The following PTPN4 variants were observed in gnomAD, a reference collection of about 807,000 sequenced individuals.
PTPN4 encodes the protein tyrosine-protein phosphatase non-receptor type 4.
Under a neutral mutation model 135.5 loss-of-function variants are expected in PTPN4, and 49 were observed. The ratio of observed to expected loss-of-function variants is 0.36; its 90% CI spans 0.29 to 0.46. The LOEUF (loss-of-function observed/expected upper bound fraction) is 0.46. Among genes scored for constraint, PTPN4 ranks in the 20% least tolerant of loss-of-function variants. The pLI, the probability that PTPN4 is intolerant of heterozygous loss-of-function variation, is 1.00. For synonymous variants in PTPN4, 333 were observed against 369.9 expected (o/e 0.90, Z 1.14); for missense variants, 860 against 1,101.0 (o/e 0.78, Z 3.10).
intron 9 of PTPN4, among the ~76,000 whole-genome samples, chr2:119,888,919 G>T (rs780741730): frequency 6.6e-6 from 1 of 152,092 alleles, no homozygotes; most frequent in Non-Finnish European, 1.5e-5. Flanking sequence ...TTACTTCTTT[G>T]TGTGTTTGGT....
At chr2:119,965,724 T>C (rs1679436512) in intron 25 of PTPN4, 79 bp downstream of exon 25, 3 of 1,475,034 alleles carry the variant, frequency 2.0e-6, no homozygotes, top group Non-Finnish European at 1.8e-6. Context: ...ATTTTGTCCT[T>C]ATGGTGTTAT....
At chr2:119,844,469 G>C (rs1233825336) in intron 2 of PTPN4, among the ~76,000 whole-genome samples, 137 of 144,650 alleles carry the variant, frequency 9.5e-4, no homozygotes, top group African/African-American at 3.1e-3. Flanking sequence ...GGCAGCTGCC[G>C]GGCGGAGGGG....
Position 119,977,292 on chromosome 2 carries a change from C to A in PTPN4, c.*222C>A. ...AGACTGTTTCATGCTTTGCTCCGAA[C>A]AAATAGTAAATAACTGAGTATGTTC... is the stretch of plus-strand genomic sequence containing the variant. On this transcript the variant is annotated 3_prime_UTR_variant, in exon 27 of 27. Coordinates refer to ENST00000263708, the MANE Select transcript of PTPN4 (RefSeq NM_002830.4). 3.0e-6 allele frequency: 2 copies of A among 669,016 alleles called. No homozygotes were observed. Among genetic ancestry groups the A allele is most frequent in the Non-Finnish European group, 4.1e-6 (2 of 485,342 alleles). 41.4% of individuals were successfully genotyped at this position (669,016 alleles called of 1,614,324 possible). A position where few individuals can be genotyped will look rare whatever the true frequency, so the allele number is the denominator to read the frequency against.
chr2:119,797,973 T>G (rs892264362), intron 1 of PTPN4, among the ~76,000 whole-genome samples: 3 of 152,146 alleles, frequency 2.0e-5, no homozygotes, highest in South Asian at 2.1e-4. Flanking sequence ...TTTTTACATA[T>G]TTTTTGAACA....
chr2:119,766,459 T>TC (rs1558718916), intron 1 of PTPN4, among the ~76,000 whole-genome samples: 3,015 of 140,700 alleles, frequency 0.021, 116 homozygotes, highest in African/African-American at 0.075. Flanking sequence ...CGTGTGTGTG[T>TC]GTGTGTGTGT....
At chr2:119,931,781 A>G (rs1173817471) in intron 13 of PTPN4, among the ~76,000 whole-genome samples, 1 of 151,954 alleles carries the variant, frequency 6.6e-6, no homozygotes, top group African/African-American at 2.4e-5. Flanking sequence ...CATCTTTATC[A>G]TTAGGATAGC....
intron 2 of PTPN4, among the ~76,000 whole-genome samples, chr2:119,841,499 A>G (rs1030910153): frequency 6.6e-6 from 1 of 152,226 alleles, no homozygotes; most frequent in Admixed American, 6.5e-5. Flanking sequence ...ATGATTGCAG[A>G]TATTCCATTG....
chr2:119,830,783 G>A (rs1334805555), intron 2 of PTPN4, among the ~76,000 whole-genome samples: 1 of 152,050 alleles, frequency 6.6e-6, no homozygotes, highest in Non-Finnish European at 1.5e-5. Flanking sequence ...TCCTGCACCT[G>A]CTTCTGCCAC....
At chr2:119,783,786 A>T (rs1690992143) in intron 1 of PTPN4, among the ~76,000 whole-genome samples, 1 of 152,194 alleles carries the variant, frequency 6.6e-6, no homozygotes, top group Admixed American at 6.5e-5. Flanking sequence ...TTGCTGCATA[A>T]CCATGCCAAC....
intron 10 of PTPN4, among the ~76,000 whole-genome samples, chr2:119,911,460 A>T (rs1187386377): frequency 2.0e-5 from 3 of 152,116 alleles, no homozygotes; most frequent in South Asian, 4.1e-4. Flanking sequence ...TTCATGATTT[A>T]AAAAAATAAA....
At chr2:119,895,749 G>A (rs997184462) in intron 9 of PTPN4, among the ~76,000 whole-genome samples, 20 of 152,122 alleles carry the variant, frequency 1.3e-4, no homozygotes, top group Non-Finnish European at 2.4e-4. Context: ...GTGAAACCCC[G>A]TCTCTACTAA....
intron 2 of PTPN4, among the ~76,000 whole-genome samples, chr2:119,812,645 G>A (rs931594731): frequency 2.0e-5 from 3 of 152,070 alleles, no homozygotes; most frequent in Non-Finnish European, 4.4e-5. Flanking sequence ...TTTCACTGTG[G>A]CTTTGGTATA....
chr2:119,801,590 T>C (rs1691369177), intron 1 of PTPN4, among the ~76,000 whole-genome samples: 1 of 152,210 alleles, frequency 6.6e-6, no homozygotes, highest in Non-Finnish European at 1.5e-5. Flanking sequence ...CAGCATTTTG[T>C]AGTTTTTAGC....
At chr2:119,780,747 G>A (rs1289841911) in intron 1 of PTPN4, among the ~76,000 whole-genome samples, 1 of 152,156 alleles carries the variant, frequency 6.6e-6, no homozygotes, top group Non-Finnish European at 1.5e-5. Flanking sequence ...GGTGGGATAT[G>A]ACAGATTTCT....
intron 2 of PTPN4, among the ~76,000 whole-genome samples, chr2:119,842,844 T>G (rs2104971487): frequency 6.6e-6 from 1 of 151,864 alleles, no homozygotes; most frequent in South Asian, 2.1e-4. Flanking sequence ...TCACCAGTTT[T>G]TACATGCTGT....
At chr2:119,809,647 C>G (rs1258314190) in intron 1 of PTPN4, among the ~76,000 whole-genome samples, 190 bp from the exon 2 acceptor site, 1 of 151,896 alleles carries the variant, frequency 6.6e-6, no homozygotes, top group Non-Finnish European at 1.5e-5. Flanking sequence ...TTTTTCAAAG[C>G]AGTGGTAACT....
chr2:119,830,523 C>T (rs940922862), intron 2 of PTPN4, among the ~76,000 whole-genome samples: 1 of 152,176 alleles, frequency 6.6e-6, no homozygotes, highest in Admixed American at 6.5e-5. Flanking sequence ...GGCTGGAGTG[C>T]AGTGGCGCGG....
At chr2:119,874,510 AAC>A (rs1574381733) in intron 3 of PTPN4, among the ~76,000 whole-genome samples, 1 of 152,334 alleles carries the variant, frequency 6.6e-6, no homozygotes, top group East Asian at 1.9e-4. Context: ...AAAGCAGACA[AAC>A]ACAAAAGGCA....
intron 15 of PTPN4, among the ~76,000 whole-genome samples, chr2:119,938,966 G>A (rs1046877629): frequency 6.6e-6 from 1 of 152,172 alleles, no homozygotes; most frequent in South Asian, 2.1e-4. Context: ...ATTCAGACTA[G>A]GTTTAAAACG....
Sources: gnomAD v4.1 joint callset for allele counts (sites outside exome capture counted in the v4.1 genomes callset) on GRCh38, gnomAD v4.1.1 for gene constraint, MANE v1.5 for transcripts, NCBI Gene and HGNC (gene_info 2026-07-23, HGNC 2026-07-21) for gene names.